TMEM232: variants seen among roughly 807,000 people sequenced by gnomAD.
TMEM232 encodes the protein transmembrane protein 232.
Under a neutral mutation model 78.8 loss-of-function variants are expected in TMEM232, and 80 were observed. That is an observed-to-expected ratio of 1.01 (90% CI 0.85 to 1.22). The LOEUF (loss-of-function observed/expected upper bound fraction) is 1.22. Ranked by LOEUF, TMEM232 falls within the 50% of genes most tolerant of loss-of-function variation. The pLI, the probability that TMEM232 is intolerant of heterozygous loss-of-function variation, is 0.00. For synonymous variants in TMEM232, 297 were observed against 254.3 expected, an observed-to-expected ratio of 1.17 and a Z score of -1.60; for missense variants, 881 against 742.2, an observed-to-expected ratio of 1.19 and a Z score of -2.17.
intron 12 of TMEM232, among the ~76,000 whole-genome samples, chr5:110,501,646 T>TG (rs565675116): frequency 5.5e-4 from 84 of 152,272 alleles, no homozygotes; most frequent in African/African-American, 1.9e-3. Flanking sequence ...TAACCCCACA[T>TG]TAACTGGCTA....
At chr5:110,424,657 G>C (rs1757046690) in intron 13 of TMEM232, among the ~76,000 whole-genome samples, 166 bp downstream of exon 13, 1 of 149,882 alleles carries the variant, frequency 6.7e-6, no homozygotes, top group Non-Finnish European at 1.5e-5. Flanking sequence ...TGAAGACACT[G>C]GTGTACAGAT....
chr5:110,423,780 CGTGTGTGTGTGTGT>C (rs146104536), intron 13 of TMEM232, among the ~76,000 whole-genome samples: 8 of 142,486 alleles, frequency 5.6e-5, no homozygotes, highest in Admixed American at 2.1e-4. Context: ...TTTATGCGTG[CGTGTGTGTGTGTGT>C]GTGTGTGTGT....
chr5:110,547,137 T>G (rs1429713685), intron 11 of TMEM232, among the ~76,000 whole-genome samples: 1 of 152,130 alleles, frequency 6.6e-6, no homozygotes, highest in African/African-American at 2.4e-5. Flanking sequence ...TTCTAAAACT[T>G]TTTACCTATA....
intron 2 of TMEM232, among the ~76,000 whole-genome samples, chr5:110,650,746 T>TC (rs1788188220): frequency 6.6e-6 from 1 of 152,114 alleles, no homozygotes; most frequent in Non-Finnish European, 1.5e-5. Flanking sequence ...TAATGTAGTG[T>TC]CCTGTATGGG....
chr5:110,509,135 A>T (rs1391136479), intron 12 of TMEM232, among the ~76,000 whole-genome samples: 1 of 150,742 alleles, frequency 6.6e-6, no homozygotes, highest in Admixed American at 6.7e-5. Flanking sequence ...AATCTTATTT[A>T]AAAAAATTTT....
At chr5:110,710,069 C>T (rs764110697) in intron 1 of TMEM232, among the ~76,000 whole-genome samples, 11 of 151,054 alleles carry the variant, frequency 7.3e-5, no homozygotes, top group Non-Finnish European at 1.3e-4. Context: ...AAATCAGAGA[C>T]GAAAAAAGAG....
intron 13 of TMEM232, among the ~76,000 whole-genome samples, chr5:110,420,986 A>T (rs1296707519): frequency 2.0e-5 from 3 of 151,910 alleles, no homozygotes; most frequent in Non-Finnish European, 4.4e-5. Flanking sequence ...ACAAAAAAAA[A>T]AACAATAAAA....
At chr5:110,576,422 A>G (rs1175472056) in intron 10 of TMEM232, among the ~76,000 whole-genome samples, 1 of 152,138 alleles carries the variant, frequency 6.6e-6, no homozygotes, top group African/African-American at 2.4e-5. Context: ...ATGCTTATAG[A>G]TAAGAAGAAT....
chr5:110,613,290 C>T (rs748995001), intron 8 of TMEM232, among the ~76,000 whole-genome samples: 1 of 152,072 alleles, frequency 6.6e-6, no homozygotes, highest in Non-Finnish European at 1.5e-5. Context: ...TACTAGAAGT[C>T]ATGCAGGGAG....
At chr5:110,638,568 C>A (rs150757688) in intron 4 of TMEM232, among the ~76,000 whole-genome samples, 39 of 152,236 alleles carry the variant, frequency 2.6e-4, no homozygotes, top group Middle Eastern at 3.4e-3. Context: ...CAGTTTCAAC[C>A]AATAGAATGT....
chr5:110,435,405 C>T (rs771791276), intron 12 of TMEM232, among the ~76,000 whole-genome samples: 1 of 150,366 alleles, frequency 6.7e-6, no homozygotes, highest in Non-Finnish European at 1.5e-5. Context: ...TTGGTACAGG[C>T]ATGCAATATG....
intron 12 of TMEM232, among the ~76,000 whole-genome samples, chr5:110,468,293 AAAT>A (rs752818086): frequency 8.7e-5 from 13 of 148,990 alleles, no homozygotes; most frequent in Non-Finnish European, 1.8e-4. Flanking sequence ...TAAGAGCATA[AAAT>A]AATGTTTTTT....
upstream of TMEM232, among the ~76,000 whole-genome samples, chr5:110,730,527 C>G (rs1334156424): frequency 6.6e-6 from 1 of 152,080 alleles, no homozygotes; most frequent in African/African-American, 2.4e-5. Flanking sequence ...AAACTGGGAA[C>G]AAAATGAGGT....
chr5:110,504,276 G>A (rs973057725), intron 12 of TMEM232, among the ~76,000 whole-genome samples: 12 of 152,056 alleles, frequency 7.9e-5, no homozygotes, highest in African/African-American at 2.7e-4. Flanking sequence ...TAAATATAGA[G>A]GACATATTTT....
intron 10 of TMEM232, among the ~76,000 whole-genome samples, chr5:110,582,230 T>C (rs189701269): frequency 6.6e-6 from 1 of 151,896 alleles, no homozygotes; most frequent in Non-Finnish European, 1.5e-5. Context: ...TGTAGCACTA[T>C]CCATAATAGC....
rs563066733 is a variant in TMEM232 at position 110,561,239 on chromosome 5, C to G, written c.1455+7208G>C. ...AAGAGCACTGGCTATCAAATTGGCA[C>G]AAAAGAGTTTGAATTCAAGCACTGC... On this transcript the variant is annotated intron_variant, in intron 11 of 13. Transcript: ENST00000455884. Among the ~76,000 whole-genome samples the G allele has an allele frequency of 4.6e-5, 7 of 151,984 alleles. No individual in the cohort carries two copies. The South Asian group carries it at 1.5e-3, about 32-fold the overall frequency.
intron 12 of TMEM232, among the ~76,000 whole-genome samples, chr5:110,442,774 C>G (rs557156776): frequency 6.6e-6 from 1 of 152,090 alleles, no homozygotes; most frequent in Non-Finnish European, 1.5e-5. Context: ...CTGGAGAAGG[C>G]TTTCCAGGTA....
intron 10 of TMEM232, among the ~76,000 whole-genome samples, chr5:110,576,514 G>T (rs749641836): frequency 2.1e-4 from 32 of 152,032 alleles, no homozygotes; most frequent in Non-Finnish European, 3.8e-4. Flanking sequence ...TGACATTCTT[G>T]ACAGAACTAG....
intron 1 of TMEM232, among the ~76,000 whole-genome samples, chr5:110,705,993 AG>A (rs1332144608): frequency 1.3e-5 from 2 of 151,994 alleles, no homozygotes; most frequent in Admixed American, 6.6e-5. Context: ...GCTTGCAATC[AG>A]ATAATATTTG....
Sources: gnomAD v4.1 joint callset for allele counts (sites outside exome capture counted in the v4.1 genomes callset) on GRCh38, gnomAD v4.1.1 for gene constraint, MANE v1.5 for transcripts, NCBI Gene and HGNC (gene_info 2026-07-23, HGNC 2026-07-21) for gene names.